Variants in MTMR9 observed in about 807,000 individuals in gnomAD.
MTMR9 encodes myotubularin related protein 9.
A neutral mutation model predicts 69.5 loss-of-function variants in MTMR9; 39 were observed. That is an observed-to-expected ratio of 0.56 (90% CI 0.43 to 0.73). The LOEUF is 0.73. Among genes scored for constraint, MTMR9 ranks in the 30% least tolerant of loss-of-function variants. The pLI, the probability that MTMR9 is intolerant of heterozygous loss-of-function variation, is 0.00. For synonymous variants in MTMR9, 354 were observed against 240.8 expected, an observed-to-expected ratio of 1.47 and a Z score of -4.35; for missense variants, 900 against 671.2, an observed-to-expected ratio of 1.34 and a Z score of -3.77.
chr8:11,299,415 C>G (rs753334068), intron 2 of MTMR9, among the ~76,000 whole-genome samples: 1 of 152,178 alleles, frequency 6.6e-6, no homozygotes, highest in Non-Finnish European at 1.5e-5. Context: ...AATGCTTCAA[C>G]AACACTATGA....
chr8:11,322,874 G>C lies in MTMR9; in HGVS notation c.*86G>C. 1 of 1,300,042 alleles carries C rather than the reference G, an allele frequency of 7.7e-7. No individual in the cohort carries two copies. Among genetic ancestry groups the C allele is most frequent in the South Asian group, 1.5e-5 (1 of 68,566 alleles). 80.5% of individuals were successfully genotyped at this position (1,300,042 alleles called of 1,614,324 possible). On this transcript the variant is annotated 3_prime_UTR_variant, in exon 10 of 10. Transcript: ENST00000221086. The stretch of plus-strand genomic sequence containing the variant: ...GTGCCCTTCAGTTCACTTTTACACG[G>C]TAGCCTTGAAGTGAAGGCTTTAGAT...
chr8:11,300,323 GAATTAGATTAATA>G, intron 3 of MTMR9, 175 bp downstream of exon 3: 1 of 566,140 alleles, frequency 1.8e-6, no homozygotes, highest in Non-Finnish European at 2.9e-6. Flanking sequence ...GATCACAAAG[GAATTAGATTAATA>G]ATCAGTAATA....
chr8:11,286,111 C>T (rs570137213), intron 1 of MTMR9, among the ~76,000 whole-genome samples: 1 of 151,854 alleles, frequency 6.6e-6, no homozygotes, highest in Non-Finnish European at 1.5e-5. Flanking sequence ...CGCCACCACA[C>T]CCGGCTAATT....
chr8:11,317,480 T>TG (rs1800474129), intron 8 of MTMR9: 1 of 152,206 alleles, frequency 6.6e-6, no homozygotes, highest in Non-Finnish European at 1.5e-5. Flanking sequence ...ATTCCCCACA[T>TG]GCGCAGCTCA....
chr8:11,304,916 C>A lies in MTMR9; in HGVS notation c.493C>A (p.Pro165Thr). 6.2e-7 allele frequency: 1 copy of A among 1,614,050 alleles called. No individual in the cohort carries two copies. Among genetic ancestry groups the A allele is most frequent in the Non-Finnish European group, 8.5e-7 (1 of 1,179,956 alleles). Residue 165 changes from proline to threonine, a missense_variant, in exon 4 of 10, where the codon CCC (proline) becomes ACC (threonine). Transcript: ENST00000221086. Reference sequence around the variant, plus strand: ...CTCTTACCCACCAATTGTCACAGTGCCCAAATCCATCGATGATGAAGCTCT... The same window carrying A: ...CTCTTACCCACCAATTGTCACAGTGACCAAATCCATCGATGATGAAGCTCT... ...CPSYPPIVTV[P>T]KSIDDEALRK...
intron 8 of MTMR9, chr8:11,317,865 C>G (rs1800496423): frequency 6.6e-6 from 1 of 152,238 alleles, no homozygotes; most frequent in Admixed American, 6.5e-5. Context: ...CCACCATTTT[C>G]TGAAGCATGT....
intron 3 of MTMR9, 84 bp downstream of exon 3, chr8:11,300,232 G>T: frequency 1.4e-6 from 2 of 1,466,424 alleles, no homozygotes; most frequent in Non-Finnish European, 1.9e-6. Flanking sequence ...TTCTTTTGAA[G>T]AGTAATAAGG....
At chr8:11,336,242 G>A in the MTMR9 span, among the ~76,000 whole-genome samples, 5 of 152,166 alleles carry the variant, frequency 3.3e-5, no homozygotes, top group Non-Finnish European at 7.3e-5. Flanking sequence ...TTGCCCAGAG[G>A]AAGTCCATGT....
chr8:11,290,064 T>C (rs1442251053), intron 1 of MTMR9, among the ~76,000 whole-genome samples: 1 of 152,204 alleles, frequency 6.6e-6, no homozygotes, highest in East Asian at 1.9e-4. Flanking sequence ...AATTGCACAT[T>C]GCCTTCCCAT....
chr8:11,333,677 T>A, the MTMR9 span, among the ~76,000 whole-genome samples: 3 of 152,064 alleles, frequency 2.0e-5, no homozygotes, highest in African/African-American at 7.2e-5. Flanking sequence ...GACAAAAACA[T>A]AAAAAAGCAA....
At chr8:11,315,164 A>C in intron 7 of MTMR9, 100 bp downstream of exon 7, 1 of 1,433,756 alleles carries the variant, frequency 7.0e-7, no homozygotes, top group Non-Finnish European at 9.6e-7. Flanking sequence ...GATTGATTAA[A>C]ATTTCTAAGT....
At chr8:11,335,666 G>C in the MTMR9 span, among the ~76,000 whole-genome samples, 2 of 152,162 alleles carry the variant, frequency 1.3e-5, no homozygotes, top group African/African-American at 4.8e-5. Flanking sequence ...ATAAAGCCAC[G>C]TTAATCAAGA....
chr8:11,300,217 A>G, intron 3 of MTMR9, 69 bp downstream of exon 3: 7 of 1,551,920 alleles, frequency 4.5e-6, no homozygotes, highest in Non-Finnish European at 6.2e-6. Flanking sequence ...TGTGAAAATG[A>G]TCACTTCTTT....
intron 5 of MTMR9, 102 bp from the exon 6 acceptor site, chr8:11,309,425 C>T: frequency 1.1e-6 from 1 of 929,176 alleles, no homozygotes; most frequent in Non-Finnish European, 1.6e-6. Flanking sequence ...GTATTTTGAA[C>T]TACTTTTGCT....
At position 11,326,484 on chromosome 8, in the gene MTMR9, G is replaced by GTTGTTGT. The variant is rs1554506721; in HGVS notation, c.*3698_*3704dup. On this transcript the variant is annotated 3_prime_UTR_variant, in exon 10 of 10. Coordinates refer to ENST00000221086, the MANE Select transcript of MTMR9 (RefSeq NM_015458.4). The stretch of plus-strand genomic sequence containing the variant: ...CTGATAAAGTTTTGTTGTTGTTGTT[G>GTTGTTGT]TTGTTGTTGTTTTAATTGGGCAACC... 6.6e-6 allele frequency: 1 copy of GTTGTTGT among 152,056 alleles called. No individual in the cohort carries two copies. Among genetic ancestry groups the GTTGTTGT allele is most frequent in the African/African-American group, 2.4e-5 (1 of 41,386 alleles). 9.4% of individuals were successfully genotyped at this position (152,056 alleles called of 1,614,324 possible). A position where few individuals can be genotyped will look rare whatever the true frequency, so the allele number is the denominator to read the frequency against.
chr8:11,304,679 C>T (rs1047268939), intron 3 of MTMR9, among the ~76,000 whole-genome samples, 162 bp from the exon 4 acceptor site: 1 of 152,216 alleles, frequency 6.6e-6, no homozygotes, highest in African/African-American at 2.4e-5. Flanking sequence ...AGCTCCTTTT[C>T]TCTGCAGCTA....
intron 2 of MTMR9, among the ~76,000 whole-genome samples, chr8:11,297,706 G>A (rs1464349689): frequency 6.6e-6 from 1 of 152,126 alleles, no homozygotes; most frequent in Non-Finnish European, 1.5e-5. Flanking sequence ...TGCTGACGCT[G>A]ATCAGTTGTT....
chr8:11,318,777 T>G (rs767403764), intron 8 of MTMR9: 2 of 152,250 alleles, frequency 1.3e-5, no homozygotes, highest in African/African-American at 2.4e-5. Flanking sequence ...CACATTGATT[T>G]TTCATCTTTG....
chr8:11,333,986 G>T, the MTMR9 span, among the ~76,000 whole-genome samples: 1 of 152,142 alleles, frequency 6.6e-6, no homozygotes, highest in African/African-American at 2.4e-5. Flanking sequence ...TCATGGAAGT[G>T]GGTTCCTGAT....
Sources: allele counts gnomAD v4.1 joint callset (sites outside exome capture counted in the v4.1 genomes callset), GRCh38; gene constraint gnomAD v4.1.1; transcripts MANE v1.5; gene names NCBI Gene and HGNC (gene_info 2026-07-23, HGNC 2026-07-21).